Variants in ANO6 observed in about 807,000 individuals in gnomAD.
The protein encoded by ANO6 is anoctamin 6.
A neutral mutation model predicts 117.5 loss-of-function variants in ANO6; 106 were observed. The observed-to-expected ratio is 0.90, with a 90% CI of 0.77 to 1.06. ANO6 has a LOEUF of 1.06. Ranked by LOEUF, ANO6 falls within the 50% of genes least tolerant of loss-of-function variation. The pLI is 0.00. For synonymous variants in ANO6, 367 were observed against 385.1 expected (o/e 0.95, Z 0.55); for missense variants, 955 against 1,121.1 (o/e 0.85, Z 2.12).
rs1565675012 is a variant in ANO6 at position 45,302,076 on chromosome 12, T to C, written c.133T>C (p.Phe45Leu). Residue 45 changes from phenylalanine to leucine, a missense_variant, in exon 2 of 20, where the codon TTT (phenylalanine) becomes CTT (leucine). By Grantham distance (22) the Phe-to-Leu change is conservative (BLOSUM62 0). Transcript: ENST00000320560. ...GGGATCACTGGAAAGTCAGCATGATTTTCGAACCCCGGAGTTTGTGAGTAC... is the reference window on the plus strand; with the variant it reads ...GGGATCACTGGAAAGTCAGCATGATCTTCGAACCCCGGAGTTTGTGAGTAC... ...DLGSLESQHD[F>L]RTPEFEEFNG... The C allele has an allele frequency of 5.6e-6, 9 of 1,614,010 alleles. No individual in the cohort carries two copies. The highest frequency in any genetic ancestry group is 7.6e-6 in the Non-Finnish European group (9 of 1,179,896).
chr12:45,345,913 G>A (rs1265701209), intron 3 of ANO6, among the ~76,000 whole-genome samples: 1 of 151,502 alleles, frequency 6.6e-6, no homozygotes, highest in African/African-American at 2.4e-5. Flanking sequence ...GCTGGCATCT[G>A]GTGAGGACTT....
intron 1 of ANO6, among the ~76,000 whole-genome samples, chr12:45,245,138 A>G (rs1387716726): frequency 6.6e-6 from 1 of 152,172 alleles, no homozygotes; most frequent in Non-Finnish European, 1.5e-5. Context: ...TGATGAAATT[A>G]TGTATGTGCC....
chr12:45,308,989 A>G (rs1014700505), intron 2 of ANO6, among the ~76,000 whole-genome samples: 6 of 152,120 alleles, frequency 3.9e-5, no homozygotes, highest in Non-Finnish European at 8.8e-5. Context: ...GATTAGAAAA[A>G]GTCGAGGGGC....
chr12:45,239,642 G>T (rs866376372), intron 1 of ANO6, among the ~76,000 whole-genome samples: 65 of 152,152 alleles, frequency 4.3e-4, no homozygotes, highest in Admixed American at 9.8e-4. Context: ...TGATGTTAGG[G>T]TGTCGATTTT....
chr12:45,435,705 A>G (rs1943699683), downstream of ANO6, among the ~76,000 whole-genome samples: 1 of 65,450 alleles, frequency 1.5e-5, no homozygotes, highest in African/African-American at 3.4e-5. Context: ...GTACAACACA[A>G]ACTCACTGAA....
At chr12:45,387,253 C>G (rs7132433) in intron 10 of ANO6, among the ~76,000 whole-genome samples, 12,136 of 152,122 alleles carry the variant, frequency 0.08, 774 homozygotes, top group African/African-American at 0.17. Flanking sequence ...TTTTTATTTA[C>G]TATTTAAAGT....
At position 45,321,741 on chromosome 12, in the gene ANO6, A is replaced by G. The variant is rs182168364; in HGVS notation, c.151-9554A>G. ...TCAAGTAAAAATGGTATTCTGTGGG[A>G]AAAAAAAGGCAGTTTTAATGCACAA... is the stretch of plus-strand genomic sequence containing the variant. On this transcript the variant is annotated intron_variant, in intron 2 of 19. Transcript: ENST00000320560. Among the ~76,000 whole-genome samples the G allele has an allele frequency of 3.4e-3, 516 of 150,718 alleles. 2 individuals are homozygous for G. The highest frequency in any genetic ancestry group is 3.9e-3 in the Non-Finnish European group (266 of 67,876).
rs961230822 is a variant in ANO6, at chr12:45,256,066, C to T, written c.70+39675C>T. 5.3e-5 allele frequency among the ~76,000 whole-genome samples: 8 copies of T among 151,972 alleles called. No individual in the cohort carries two copies. The South Asian group carries it at 6.2e-4, about 12-fold the overall frequency. On this transcript the variant is annotated intron_variant, in intron 1 of 19. Coordinates refer to ENST00000320560, the MANE Select transcript of ANO6 (RefSeq NM_001025356.3). ...CTCAAACTCCTGACCTCAGGTGATC[C>T]GCCTGTCTCGGCCTCCCAAGGTGCT...
At position 45,293,748 on chromosome 12, in the gene ANO6, T is replaced by G. The variant is rs1002773138; in HGVS notation, c.71-8266T>G. Among the ~76,000 whole-genome samples the G allele has an allele frequency of 2.1e-3, 302 of 142,364 alleles. 2 individuals carry two copies. The highest frequency in any genetic ancestry group is 5.9e-3 in the East Asian group (29 of 4,934). 93.4% of individuals were successfully genotyped at this position (142,364 alleles called of 152,430 possible). On this transcript the variant is annotated intron_variant, in intron 1 of 19. Transcript: ENST00000320560. ...GCTAATGTTTTTTTTTTTTTTTTTT[T>G]TTTTTTTTGTATTTTTAGTAGAGAC...
intron 1 of ANO6, among the ~76,000 whole-genome samples, chr12:45,255,012 A>C (rs777117918): frequency 1.2e-4 from 19 of 152,226 alleles, no homozygotes; most frequent in Non-Finnish European, 2.5e-4. Context: ...TTCCATATAT[A>C]TCTCTTACAT....
At chr12:45,221,925 A>G (rs1322932102) in intron 1 of ANO6, among the ~76,000 whole-genome samples, 1 of 129,812 alleles carries the variant, frequency 7.7e-6, no homozygotes, top group Non-Finnish European at 1.6e-5. Context: ...TCTGTTGCCC[A>G]GGCTGGAGTG....
intron 1 of ANO6, among the ~76,000 whole-genome samples, chr12:45,246,009 T>C (rs900385199): frequency 4.6e-5 from 7 of 151,742 alleles, no homozygotes; most frequent in Admixed American, 3.9e-4. Context: ...TACATTAATA[T>C]TACTAATAAG....
chr12:45,378,113 G>A lies in ANO6; in HGVS notation c.1165G>A (p.Val389Ile). The A allele has an allele frequency of 6.2e-7, 1 of 1,604,370 alleles. No homozygotes were observed. The highest frequency in any genetic ancestry group is 1.1e-5 in the South Asian group (1 of 88,988). ...CTTTGCAGTATTTATGGGAGTATGG[G>A]GTAAGTTTTTTTTTTTTTTTTCATG... ...LVFAVFMGVWVTLFLEFWKRR... is the reference protein window; with the variant it reads ...LVFAVFMGVWITLFLEFWKRR... Residue 389 changes from valine to isoleucine, a missense_variant and splice_region_variant, in exon 10 of 20, where the codon GTT (valine) becomes ATT (isoleucine). Coordinates refer to ENST00000320560, the MANE Select transcript of ANO6 (RefSeq NM_001025356.3).
intron 1 of ANO6, among the ~76,000 whole-genome samples, chr12:45,266,910 G>T (rs1198703271): frequency 6.6e-6 from 1 of 151,750 alleles, no homozygotes; most frequent in Non-Finnish European, 1.5e-5. Flanking sequence ...AACCCATTCA[G>T]GTCCCAGCTT....
chr12:45,299,272 C>G (rs959059330), intron 1 of ANO6, among the ~76,000 whole-genome samples: 1 of 152,174 alleles, frequency 6.6e-6, no homozygotes, highest in Non-Finnish European at 1.5e-5. Flanking sequence ...TAGTATGTTA[C>G]AACTCTCTCA....
At chr12:45,237,247 A>C (rs1343274806) in intron 1 of ANO6, among the ~76,000 whole-genome samples, 1 of 152,108 alleles carries the variant, frequency 6.6e-6, no homozygotes. Context: ...CCATTTGTCT[A>C]TTTTGGCTTA....
chr12:45,309,389 C>A (rs1403782970), intron 2 of ANO6, among the ~76,000 whole-genome samples: 2 of 152,084 alleles, frequency 1.3e-5, no homozygotes, highest in African/African-American at 2.4e-5. Context: ...AATGAATTTT[C>A]TTCCAAGAAC....
chr12:45,412,766 A>C (rs1437673633), intron 16 of ANO6, among the ~76,000 whole-genome samples: 1 of 152,212 alleles, frequency 6.6e-6, no homozygotes, highest in African/African-American at 2.4e-5. Flanking sequence ...AAACACTCTC[A>C]GTTGCTGGGG....
intron 2 of ANO6, among the ~76,000 whole-genome samples, chr12:45,308,845 C>T (rs1396760439): frequency 1.3e-5 from 2 of 152,016 alleles, no homozygotes; most frequent in Non-Finnish European, 2.9e-5. Context: ...GATAGCAGCC[C>T]TCAGCCAGAG....
Sources: allele counts gnomAD v4.1 joint callset (sites outside exome capture counted in the v4.1 genomes callset), GRCh38; gene constraint gnomAD v4.1.1; transcripts MANE v1.5; gene names NCBI Gene and HGNC (gene_info 2026-07-23, HGNC 2026-07-21).